Variants in PRPH2 observed in about 807,000 individuals in gnomAD.
PRPH2 encodes the protein peripherin-2.
A neutral mutation model predicts 31.3 loss-of-function variants in PRPH2; 17 were observed. The ratio of observed to expected loss-of-function variants is 0.54; its 90% confidence interval spans 0.37 to 0.81. The LOEUF (loss-of-function observed/expected upper bound fraction) is 0.81. Among genes scored for constraint, PRPH2 ranks in the 40% least tolerant of loss-of-function variants. The probability of loss-of-function intolerance (pLI) is 0.00; values close to 1 mark genes in which losing one functional copy is unlikely to be tolerated. For synonymous variants in PRPH2, 165 were observed against 184.4 expected (o/e 0.89, Z 0.85); for missense variants, 430 against 439.7 (o/e 0.98, Z 0.20).
chr6:42,719,135 G>C (rs1352960319), intron 1 of PRPH2, among the ~76,000 whole-genome samples: 1 of 151,428 alleles, frequency 6.6e-6, no homozygotes, highest in Non-Finnish European at 1.5e-5. Flanking sequence ...CTGAATGCTT[G>C]CCTAAGCATG....
intron 1 of PRPH2, among the ~76,000 whole-genome samples, chr6:42,720,106 A>G (rs944707154): frequency 1.3e-5 from 2 of 152,180 alleles, no homozygotes; most frequent in African/African-American, 4.8e-5. Flanking sequence ...ACAAGTTGGT[A>G]TGGGACATTG....
chr6:42,704,307 A>T, intron 2 of PRPH2, 58 bp downstream of exon 2: 2 of 1,575,114 alleles, frequency 1.3e-6, no homozygotes, highest in Non-Finnish European at 1.7e-6. Context: ...CCCCCATTAG[A>T]CCCAAATGGG....
chr6:42,709,350 A>AAAAAC (rs1562426518), intron 1 of PRPH2, among the ~76,000 whole-genome samples: 4 of 124,466 alleles, frequency 3.2e-5, no homozygotes, highest in Non-Finnish European at 7.3e-5. Context: ...AAAAAAAAAA[A>AAAAAC]AAAAACTTGG....
intron 2 of PRPH2, among the ~76,000 whole-genome samples, chr6:42,699,723 CTAAAAA>C (rs780450874): frequency 2.6e-5 from 4 of 152,086 alleles, no homozygotes; most frequent in Admixed American, 6.6e-5. Context: ...CTCATCTCTA[CTAAAAA>C]TAAAAATAAA....
chr6:42,704,630 G>A lies in PRPH2; in HGVS notation c.582-19C>T. 2 of 1,614,196 alleles carry A rather than the reference G, an allele frequency of 1.2e-6. No homozygotes were observed. Among genetic ancestry groups the A allele is most frequent in the Non-Finnish European group, 8.5e-7 (1 of 1,180,042 alleles). On this transcript the variant is annotated intron_variant, in intron 1 of 2. Transcript: ENST00000230381. Reference sequence around the variant, plus strand: ...GATTCGACTTAAAGGGAAACAGACAGCTGGAGATGGGCTTCCCGGGCTTCT... The same window carrying A: ...GATTCGACTTAAAGGGAAACAGACAACTGGAGATGGGCTTCCCGGGCTTCT...
At chr6:42,721,245 C>T (rs904915160) in intron 1 of PRPH2, among the ~76,000 whole-genome samples, 1 of 152,204 alleles carries the variant, frequency 6.6e-6, no homozygotes, top group Non-Finnish European at 1.5e-5. Flanking sequence ...CCTTCCTATG[C>T]TCTTTCCAAC....
At position 42,704,619 on chromosome 6, in the gene PRPH2, G is replaced by A. The variant is rs1349764833; in HGVS notation, c.582-8C>T. ...ACGTTGCTCTTGATTCGACTTAAAG[G>A]GAAACAGACAGCTGGAGATGGGCTT... On this transcript the variant is annotated splice_region_variant and splice_polypyrimidine_tract_variant and intron_variant, in intron 1 of 2. Coordinates refer to ENST00000230381, the MANE Select transcript of PRPH2 (RefSeq NM_000322.5). 6.2e-7 allele frequency: 1 copy of A among 1,614,202 alleles called. No homozygotes were observed. Among genetic ancestry groups the A allele is most frequent in the Non-Finnish European group, 8.5e-7 (1 of 1,180,038 alleles).
At chr6:42,715,829 C>T (rs1326667204) in intron 1 of PRPH2, among the ~76,000 whole-genome samples, 4 of 152,212 alleles carry the variant, frequency 2.6e-5, no homozygotes, top group Non-Finnish European at 5.9e-5. Flanking sequence ...CCCGCCCCTC[C>T]ATGCTTACTG....
chr6:42,717,848 G>A (rs923161463), intron 1 of PRPH2, among the ~76,000 whole-genome samples: 5 of 152,038 alleles, frequency 3.3e-5, no homozygotes, highest in Middle Eastern at 3.2e-3. Flanking sequence ...CACTTCCCTC[G>A]CAGGCCTTGT....
chr6:42,718,713 A>G (rs1407750150), intron 1 of PRPH2, among the ~76,000 whole-genome samples: 1 of 151,898 alleles, frequency 6.6e-6, no homozygotes, highest in Admixed American at 6.6e-5. Context: ...CAGTGGCATG[A>G]TCTTAGCTCA....
At position 42,721,634 on chromosome 6, in the gene PRPH2, G is replaced by T; in HGVS notation, c.581+120C>A. On this transcript the variant is annotated intron_variant, in intron 1 of 2. Transcript: ENST00000230381. ...TACACCCTCACATACGCAGCAATAA[G>T]TTGTGCACCCGATGGAGAGGAAAAG... 7.8e-6 allele frequency: 9 copies of T among 1,160,332 alleles called. 1 individual carries two copies. Among genetic ancestry groups the T allele is most frequent in the Middle Eastern group, 2.2e-4 (1 of 4,622 alleles). 71.9% of individuals were successfully genotyped at this position (1,160,332 alleles called of 1,614,324 possible).
At chr6:42,713,255 C>T (rs146365613) in intron 1 of PRPH2, among the ~76,000 whole-genome samples, 1 of 151,776 alleles carries the variant, frequency 6.6e-6, no homozygotes, top group South Asian at 2.1e-4. Flanking sequence ...AACTACAAAT[C>T]TCTTTCACTG....
chr6:42,701,992 G>C (rs1326205381), intron 2 of PRPH2, among the ~76,000 whole-genome samples: 3 of 152,006 alleles, frequency 2.0e-5, no homozygotes, highest in Non-Finnish European at 4.4e-5. Flanking sequence ...TGTAATCCCA[G>C]CACTTTAGGA....
Position 42,699,749 on chromosome 6 carries a change from C to T in PRPH2, c.829-1242G>A, listed in dbSNP as rs555997672. On this transcript the variant is annotated intron_variant, in intron 2 of 2. Coordinates refer to ENST00000230381, the MANE Select transcript of PRPH2 (RefSeq NM_000322.5). ...TAAAAATAAAAATAAAAATAATTGC[C>T]GGGTGTGGTGGCGCGTGCCTGTAGT... Among the ~76,000 whole-genome samples, 7 of 152,106 alleles carry T rather than the reference C, an allele frequency of 4.6e-5. No homozygotes were observed. In the East Asian group the frequency reaches 1.2e-3, roughly 25 times the overall value.
chr6:42,708,530 C>A (rs1360822720), intron 1 of PRPH2, among the ~76,000 whole-genome samples: 1 of 152,166 alleles, frequency 6.6e-6, no homozygotes, highest in Non-Finnish European at 1.5e-5. Flanking sequence ...GGGCCAGTAG[C>A]CCTGGACACA....
At chr6:42,720,412 G>A (rs1389256464) in intron 1 of PRPH2, among the ~76,000 whole-genome samples, 3 of 152,058 alleles carry the variant, frequency 2.0e-5, no homozygotes, top group South Asian at 2.1e-4. Flanking sequence ...TGCCCTCCTC[G>A]GGAGATTTAT....
chr6:42,713,362 T>C (rs374225768), intron 1 of PRPH2, among the ~76,000 whole-genome samples: 1 of 152,102 alleles, frequency 6.6e-6, no homozygotes, highest in Admixed American at 6.5e-5. Flanking sequence ...GCAGGAAGTG[T>C]GTCCCCCTCT....
At chr6:42,706,760 A>G (rs147532861) in intron 1 of PRPH2, among the ~76,000 whole-genome samples, 1,909 of 152,272 alleles carry the variant, frequency 0.013, 39 homozygotes, top group African/African-American at 0.042. Context: ...TTTTGCTTCT[A>G]AATAAAATCT....
Position 42,698,301 on chromosome 6 carries a change from AGCCTCTGGGGCCT to A in PRPH2, c.1022_1034del (p.Gln341LeufsTer16). On this transcript the variant is annotated frameshift_variant, in exon 3 of 3. Coordinates refer to ENST00000230381, the MANE Select transcript of PRPH2 (RefSeq NM_000322.5). LOFTEE classifies it high-confidence loss of function. ...GGGAGGGGCCCCAGGGCCCTCAGCC[AGCCTCTGGGGCCT>A]GGCCTGCGTCTGCGCCCTCGGCTTC... The A allele has an allele frequency of 1.2e-6, 2 of 1,613,948 alleles. No individual in the cohort carries two copies. The highest frequency in any genetic ancestry group is 1.7e-6 in the Non-Finnish European group (2 of 1,179,948).
Sources: gnomAD v4.1 joint callset for allele counts (sites outside exome capture counted in the v4.1 genomes callset) on GRCh38, gnomAD v4.1.1 for gene constraint, MANE v1.5 for transcripts, NCBI Gene and HGNC (gene_info 2026-07-23, HGNC 2026-07-21) for gene names.